MPV17L: variants seen among roughly 807,000 people sequenced by gnomAD.
The protein encoded by MPV17L is mpv17-like protein.
In MPV17L, 24 loss-of-function variants were observed where a neutral mutation model predicts 25.8. The ratio of observed to expected loss-of-function variants is 0.93; its 90% CI spans 0.67 to 1.31. The LOEUF (loss-of-function observed/expected upper bound fraction) is 1.31, where lower values mean the gene tolerates loss of function less well. Ranked by LOEUF, MPV17L falls within the 50% of genes most tolerant of loss-of-function variation. The pLI is 0.00. For synonymous variants in MPV17L, 102 were observed against 115.3 expected (o/e 0.88, Z 0.74); for missense variants, 250 against 265.6 (o/e 0.94, Z 0.41).
Position 15,395,820 on chromosome 16 carries a change from A to T in MPV17L, c.-78A>T. The T allele has an allele frequency of 7.9e-7, 1 of 1,269,484 alleles. No individual in the cohort carries two copies. The highest frequency in any genetic ancestry group is 1.0e-6 in the Non-Finnish European group (1 of 984,338). The allele number at this position is 1,269,484 out of a possible 1,614,324, so 78.6% of individuals were successfully genotyped here. A position where few individuals can be genotyped will look rare whatever the true frequency, so the allele number is the denominator to read the frequency against. On this transcript the variant is annotated 5_prime_UTR_variant, in exon 1 of 4. Transcript: ENST00000396385. ...GCTGCTGCAGTGCAGTAGCTGCTGGAGGCTGGGGAGGCCCGGACCCGGTGC... is the reference window on the plus strand; with the variant it reads ...GCTGCTGCAGTGCAGTAGCTGCTGGTGGCTGGGGAGGCCCGGACCCGGTGC...
intron 1 of MPV17L, 121 bp downstream of exon 1, chr16:15,396,328 C>G (rs911369052): frequency 4.4e-5 from 57 of 1,300,870 alleles, no homozygotes; most frequent in Non-Finnish European, 5.5e-5. Flanking sequence ...CGGGCAGGAG[C>G]CGGGGCTCTG....
In MPV17L at chr16:15,396,093, T is replaced by C. The variant is rs753990711; in HGVS notation, c.196T>C (p.Trp66Arg). 6.5e-6 allele frequency: 10 copies of C among 1,544,998 alleles called. No individual in the cohort carries two copies. The highest frequency in any genetic ancestry group is 7.8e-6 in the Non-Finnish European group (9 of 1,147,308). ...CTTCCACGCCAACTTCAACTACGTG[T>C]GGCTGCGCCTGCTGGAGCGCGCGCT... is the stretch of plus-strand genomic sequence containing the variant. ...VTFHANFNYV[W>R]LRLLERALPG... The change falls in exon 1 of 4, where the codon TGG becomes CGG. Residue 66 changes from tryptophan to arginine, a missense_variant. Trp to Arg is a moderately radical substitution (Grantham distance 101). Coordinates refer to ENST00000396385, the MANE Select transcript of MPV17L (RefSeq NM_001128423.2).
rs1381011252 is a variant in MPV17L at position 15,396,109 on chromosome 16, AGC to A, written c.219_220del (p.Leu74ProfsTer39). The A allele has an allele frequency of 6.5e-7, 1 of 1,545,458 alleles. No homozygotes were observed. The highest frequency in any genetic ancestry group is 2.4e-5 in the East Asian group (1 of 40,964). On this transcript the variant is annotated frameshift_variant, in exon 1 of 4. Transcript: ENST00000396385. LOFTEE classifies it high-confidence loss of function. The stretch of plus-strand genomic sequence containing the variant: ...AACTACGTGTGGCTGCGCCTGCTGG[AGC>A]GCGCGCTCCCGGGCCGAGCGCCGCA...
In MPV17L at chr16:15,398,204, C is replaced by T. The variant is rs528939910; in HGVS notation, c.310+1997C>T. On this transcript the variant is annotated intron_variant, in intron 1 of 3. Transcript: ENST00000396385. ...GATTACAGATGCACACCACCATGCC[C>T]ACCTAATTTTTGCATTTTTAATGGA... 2.6e-5 allele frequency among the ~76,000 whole-genome samples: 4 copies of T among 152,110 alleles called. No homozygotes were observed. The East Asian group carries it at 7.7e-4, about 29-fold the overall frequency.
chr16:15,398,117 T>C (rs2050602937), intron 1 of MPV17L, among the ~76,000 whole-genome samples: 1 of 151,992 alleles, frequency 6.6e-6, no homozygotes. Context: ...CAGTCTCAGC[T>C]CACTGAAACC....
chr16:15,402,259 G>T (rs904238195), intron 2 of MPV17L, among the ~76,000 whole-genome samples: 5 of 152,282 alleles, frequency 3.3e-5, no homozygotes, highest in African/African-American at 1.2e-4. Context: ...GTGTCCTTAA[G>T]GCCTGGCAAA....
At position 15,400,091 on chromosome 16, in the gene MPV17L, C is replaced by T. The variant is rs908389594; in HGVS notation, c.311-696C>T. On this transcript the variant is annotated intron_variant, in intron 1 of 3. Coordinates refer to ENST00000396385, the MANE Select transcript of MPV17L (RefSeq NM_001128423.2). ...GTGCTGGGATTACAGGCATGAGCCACGCGCCCAGCCCACTAGCTTTTTTAA... is the reference window on the plus strand; with the variant it reads ...GTGCTGGGATTACAGGCATGAGCCATGCGCCCAGCCCACTAGCTTTTTTAA... 3.3e-5 allele frequency among the ~76,000 whole-genome samples: 5 copies of T among 152,122 alleles called. No individual in the cohort carries two copies. In the East Asian group the frequency reaches 5.8e-4, roughly 18 times the overall value.
At chr16:15,398,783 G>A (rs977053744) in intron 1 of MPV17L, among the ~76,000 whole-genome samples, 4 of 151,592 alleles carry the variant, frequency 2.6e-5, no homozygotes, top group African/African-American at 7.3e-5. Flanking sequence ...TAGTAGAGAC[G>A]GGGTTTCGCC....
intron 2 of MPV17L, among the ~76,000 whole-genome samples, chr16:15,402,645 C>A (rs2050647804): frequency 6.6e-6 from 1 of 152,086 alleles, no homozygotes; most frequent in Admixed American, 6.6e-5. Context: ...TGATTTTCTT[C>A]TGGTTTTGTT....
At chr16:15,398,452 G>A (rs1464604342) in intron 1 of MPV17L, among the ~76,000 whole-genome samples, 1 of 152,150 alleles carries the variant, frequency 6.6e-6, no homozygotes, top group Admixed American at 6.6e-5. Flanking sequence ...ATGGTGGGAA[G>A]TTTGACAGTT....
chr16:15,404,434 G>T (rs1223508134), intron 2 of MPV17L, among the ~76,000 whole-genome samples: 1 of 152,134 alleles, frequency 6.6e-6, no homozygotes, highest in African/African-American at 2.4e-5. Context: ...GGTGGCTCAC[G>T]CCTGTAATCC....
chr16:15,400,851 C>G lies in MPV17L; in HGVS notation c.375C>G (p.Thr125=), dbSNP rs2050628233. Residue 125 remains threonine (T), a synonymous_variant, in exon 2 of 4, where the codon ACC becomes ACG. Coordinates refer to ENST00000396385, the MANE Select transcript of MPV17L (RefSeq NM_001128423.2). Reference sequence around the variant, plus strand: ...ACCTGAAACAGAAATTCTGGAATACCTATCTGGTAAGATAGGCGTTTGAAA... The same window carrying G: ...ACCTGAAACAGAAATTCTGGAATACGTATCTGGTAAGATAGGCGTTTGAAA... ...FLDLKQKFWN[T]YLSGLMYWPF... is the part of the protein sequence containing the mutation. 1 of 1,600,196 alleles carries G rather than the reference C, an allele frequency of 6.2e-7. No individual in the cohort carries two copies. Among genetic ancestry groups the G allele is most frequent in the Non-Finnish European group, 8.5e-7 (1 of 1,172,338 alleles).
In MPV17L at chr16:15,408,053, G is replaced by T. The variant is rs1457283155; in HGVS notation, c.532G>T (p.Ala178Ser). ...GAGTGGTGACGGCACATTCAAGTCA[G>T]CTTTCACCATTTTATATACAAAGGG... The part of the protein sequence containing the change: ...QQSGDGTFKS[A>S]FTILYTKGTS... The change falls in exon 4 of 4, where the codon GCT becomes TCT. Residue 178 changes from alanine (A) to serine (S), a missense_variant. Transcript: ENST00000396385. The T allele has an allele frequency of 6.2e-7, 1 of 1,613,708 alleles. No homozygotes were observed. The highest frequency in any genetic ancestry group is 1.7e-5 in the Admixed American group (1 of 59,988).
intron 1 of MPV17L, among the ~76,000 whole-genome samples, chr16:15,397,237 A>G (rs971960629): frequency 6.6e-6 from 1 of 152,274 alleles, no homozygotes; most frequent in East Asian, 1.9e-4. Flanking sequence ...TGATGCTAGC[A>G]CATAGGCTGC....
chr16:15,407,823 G>C lies in MPV17L; in HGVS notation c.382-1G>C, dbSNP rs144408494. On this transcript the variant is annotated splice_acceptor_variant, in intron 2 of 3. Transcript: ENST00000396385. LOFTEE classifies it high-confidence loss of function. The stretch of plus-strand genomic sequence containing the variant: ...TTGCTTTTTTTTTTTCCCAATTCCA[G>C]AGTGGACTGATGTACTGGCCCTTTG... 2 of 1,606,042 alleles carry C rather than the reference G, an allele frequency of 1.2e-6. No individual in the cohort carries two copies. The highest frequency in any genetic ancestry group is 1.7e-6 in the Non-Finnish European group (2 of 1,177,676).
At chr16:15,396,573 C>A (rs897536742) in intron 1 of MPV17L, among the ~76,000 whole-genome samples, 3 of 152,060 alleles carry the variant, frequency 2.0e-5, no homozygotes, top group Non-Finnish European at 4.4e-5. Context: ...GAAAAAGGCC[C>A]ACGGGAAAAT....
intron 2 of MPV17L, 34 bp downstream of exon 2, chr16:15,400,891 T>A: frequency 7.0e-7 from 1 of 1,424,806 alleles, no homozygotes; most frequent in Non-Finnish European, 9.6e-7. Context: ...AATCACTATA[T>A]TTTTGTGTAT....
Position 15,409,634 on chromosome 16 carries a change from T to C in MPV17L, c.*1522T>C, listed in dbSNP as rs1007410474. 4.6e-5 allele frequency: 7 copies of C among 152,204 alleles called. No individual in the cohort carries two copies. The highest frequency in any genetic ancestry group is 1.7e-4 in the African/African-American group (7 of 41,454). The allele number at this position is 152,204 out of a possible 1,614,324, so 9.4% of individuals were successfully genotyped here. ...CCACCACCCTTTGCTGACTCCTTTT[T>C]TGGACTCAGCCCGCCTGCACTCAGG... On this transcript the variant is annotated 3_prime_UTR_variant, in exon 4 of 4. Coordinates refer to ENST00000396385, the MANE Select transcript of MPV17L (RefSeq NM_001128423.2).
intron 2 of MPV17L, among the ~76,000 whole-genome samples, chr16:15,403,140 C>T (rs1323033290): frequency 6.7e-6 from 1 of 148,788 alleles, no homozygotes; most frequent in African/African-American, 2.5e-5. Context: ...GAGGTGGAGG[C>T]GGGTAGATCA....
Sources: allele counts gnomAD v4.1 joint callset (sites outside exome capture counted in the v4.1 genomes callset), GRCh38; gene constraint gnomAD v4.1.1; transcripts MANE v1.5; gene names NCBI Gene and HGNC (gene_info 2026-07-23, HGNC 2026-07-21).